ANGEL1: variants seen among roughly 807,000 people sequenced by gnomAD.
ANGEL1 encodes the protein angel homolog 1, also known as RNA 2',3'-cyclic phosphatase ANGEL1.
In ANGEL1, 62 loss-of-function variants were observed where a neutral mutation model predicts 76.4. The observed-to-expected ratio is 0.81, with a 90% CI of 0.66 to 1.00. ANGEL1 has a LOEUF of 1.00. Ranked by LOEUF, ANGEL1 falls within the 50% of genes least tolerant of loss-of-function variation. ANGEL1 has a pLI of 0.00. For synonymous variants in ANGEL1, 340 were observed against 331.7 expected, an observed-to-expected ratio of 1.03 and a Z score of -0.27; for missense variants, 737 against 836.7, an observed-to-expected ratio of 0.88 and a Z score of 1.47.
In ANGEL1 at chr14:76,789,038, G is replaced by T; in HGVS notation, c.*190C>A. ...AGGATTAGGAAGAGGCTGGGGTGGG[G>T]CAAGGACCACAGGCAGAGAACGCAG... On this transcript the variant is annotated 3_prime_UTR_variant, in exon 10 of 10. Coordinates refer to ENST00000251089, the MANE Select transcript of ANGEL1 (RefSeq NM_015305.4). 1 of 731,034 alleles carries T rather than the reference G, an allele frequency of 1.4e-6. No homozygotes were observed. Among genetic ancestry groups the T allele is most frequent in the Non-Finnish European group, 2.2e-6 (1 of 453,730 alleles). The allele number at this position is 731,034 out of a possible 1,614,324, so 45.3% of individuals were successfully genotyped here.
intron 9 of ANGEL1, 65 bp from the exon 10 acceptor site, chr14:76,789,453 G>A: frequency 1.3e-6 from 2 of 1,582,996 alleles, no homozygotes; most frequent in South Asian, 1.1e-5. Context: ...GGCAGGCAGT[G>A]GCAGAGTCCT....
intron 7 of ANGEL1, among the ~76,000 whole-genome samples, chr14:76,799,326 C>CTTTTT (rs1894686189): frequency 1.0e-5 from 1 of 96,342 alleles, no homozygotes; most frequent in African/African-American, 3.9e-5. Flanking sequence ...CACAGTCTTG[C>CTTTTT]TCTGTCGCCC....
chr14:76,792,685 C>T (rs1248898897), intron 7 of ANGEL1, among the ~76,000 whole-genome samples: 1 of 152,074 alleles, frequency 6.6e-6, no homozygotes, highest in Non-Finnish European at 1.5e-5. Flanking sequence ...TTGACACACT[C>T]CAACACCCTT....
At chr14:76,790,146 A>T (rs550585031) in intron 9 of ANGEL1, among the ~76,000 whole-genome samples, 1 of 152,204 alleles carries the variant, frequency 6.6e-6, no homozygotes, top group Non-Finnish European at 1.5e-5. Flanking sequence ...ACCGGTGTGA[A>T]CCAGTAATAC....
intron 1 of ANGEL1, 90 bp from the exon 2 acceptor site, chr14:76,809,733 A>T: frequency 9.6e-7 from 1 of 1,041,088 alleles, no homozygotes; most frequent in Admixed American, 2.5e-5. Context: ...TAAAAGCAAG[A>T]CCCATATCCA....
Position 76,809,287 on chromosome 14 carries a change from C to G in ANGEL1, c.421G>C (p.Gly141Arg), listed in dbSNP as rs34270005. ...LGEEPLLEVE[G>R]VEGSMWAAIP... is the part of the protein sequence containing the mutation. ...GCTGCCCACATGGAGCCCTCCACCC[C>G]CTCCACCTCCAGCAGTGGCTCCTCT... Residue 141 changes from glycine to arginine, a missense_variant, in exon 2 of 10, where the codon GGG becomes CGG. Around this residue, in one of 2 missense-constraint regions of ANGEL1, gnomAD observed 441 missense variants for 449.5 expected, o/e 0.98. Coordinates refer to ENST00000251089, the MANE Select transcript of ANGEL1 (RefSeq NM_015305.4). 4.3e-6 allele frequency: 7 copies of G among 1,613,868 alleles called. No homozygotes were observed. Among genetic ancestry groups the G allele is most frequent in the African/African-American group, 4.0e-5 (3 of 75,034 alleles).
intron 7 of ANGEL1, among the ~76,000 whole-genome samples, chr14:76,795,555 A>C (rs541350828): frequency 4.6e-5 from 7 of 152,282 alleles, no homozygotes; most frequent in African/African-American, 1.7e-4. Context: ...TGTGCTTTGT[A>C]ACAATTTAAA....
At position 76,809,065 on chromosome 14, in the gene ANGEL1, A is replaced by G; in HGVS notation, c.643T>C (p.Tyr215His). The change falls in exon 2 of 10, where the codon TAT becomes CAT. Residue 215 changes from tyrosine to histidine, a missense_variant. Tyr to His is a moderately conservative substitution (Grantham distance 83). This residue lies in a region of ANGEL1 where 441 missense variants were observed against 449.5 expected (regional missense o/e 0.98). Transcript: ENST00000251089. ...AACCAGTTGTCAGACTCACCATGATATGGTATTTCCACTGCGGGAGGCTGC... is the reference window on the plus strand; with the variant it reads ...AACCAGTTGTCAGACTCACCATGATGTGGTATTTCCACTGCGGGAGGCTGC... ...QLQPPAVEIP[Y>H]HEILWREWED... is the part of the protein sequence containing the mutation. 1 of 1,609,088 alleles carries G rather than the reference A, an allele frequency of 6.2e-7. No homozygotes were observed. Among genetic ancestry groups the G allele is most frequent in the Non-Finnish European group, 8.5e-7 (1 of 1,176,796 alleles).
Position 76,809,539 on chromosome 14 carries a change from A to G in ANGEL1, c.169T>C (p.Cys57Arg), listed in dbSNP as rs996995767. Residue 57 changes from cysteine (C) to arginine (R), a missense_variant, in exon 2 of 10, where the codon TGT becomes CGT. Physicochemically the swap from Cys to Arg is radical, Grantham distance 180 (BLOSUM62 -3). Coordinates refer to ENST00000251089, the MANE Select transcript of ANGEL1 (RefSeq NM_015305.4). Reference protein sequence around the residue: ...MAPRGPEQEECEGLLQQWREE... With the variant: ...MAPRGPEQEEREGLLQQWREE... ...CGCCACTGCTGCAGCAGGCCCTCACATTCCTCCTGCTCAGGGCCCCGAGGG... is the reference window on the plus strand; with the variant it reads ...CGCCACTGCTGCAGCAGGCCCTCACGTTCCTCCTGCTCAGGGCCCCGAGGG... 18 of 1,614,014 alleles carry G rather than the reference A, an allele frequency of 1.1e-5. No individual in the cohort carries two copies. The highest frequency in any genetic ancestry group is 1.4e-5 in the Non-Finnish European group (16 of 1,180,034).
chr14:76,791,385 A>G lies in ANGEL1; in HGVS notation c.1619-19T>C. 6.2e-7 allele frequency: 1 copy of G among 1,612,532 alleles called. No homozygotes were observed. The highest frequency in any genetic ancestry group is 8.5e-7 in the Non-Finnish European group (1 of 1,179,074). On this transcript the variant is annotated intron_variant, in intron 7 of 9. Transcript: ENST00000251089. Reference sequence around the variant, plus strand: ...GGTCGCTCTGCAGAGGACCAGAGAGAAAAACATTTTCTCATCCACAGACAG... The same window carrying G: ...GGTCGCTCTGCAGAGGACCAGAGAGGAAAACATTTTCTCATCCACAGACAG...
At position 76,786,087 on chromosome 14, in the gene ANGEL1, AC is replaced by A. The variant is rs1317695150; in HGVS notation, c.*3140del. ...TACAGAGAGGTTAAGTAACTTACCT[AC>A]AGTCACCAGCTGAACAGGCCAAGAG... On this transcript the variant is annotated 3_prime_UTR_variant, in exon 10 of 10. Coordinates refer to ENST00000251089, the MANE Select transcript of ANGEL1 (RefSeq NM_015305.4). 6.6e-6 allele frequency: 1 copy of A among 152,272 alleles called. No individual in the cohort carries two copies. 9.4% of individuals were successfully genotyped at this position (152,272 alleles called of 1,614,324 possible).
chr14:76,793,408 A>AGGGGAGGGGAGGGG (rs1224403645), intron 7 of ANGEL1, among the ~76,000 whole-genome samples: 3 of 19,794 alleles, frequency 1.5e-4, no homozygotes, highest in East Asian at 1.8e-3. Flanking sequence ...GAGAGGGGAT[A>AGGGGAGGGGAGGGG]AAAGGAAAGA....
At chr14:76,801,009 G>A (rs752185687) in intron 7 of ANGEL1, among the ~76,000 whole-genome samples, 5 of 150,916 alleles carry the variant, frequency 3.3e-5, no homozygotes, top group East Asian at 1.9e-4. Context: ...CCTCATCACC[G>A]TTAGGCTTCA....
At chr14:76,798,273 T>A (rs1050558354) in intron 7 of ANGEL1, among the ~76,000 whole-genome samples, 1 of 152,110 alleles carries the variant, frequency 6.6e-6, no homozygotes, top group African/African-American at 2.4e-5. Flanking sequence ...TACAGTCGCA[T>A]GCCACCACGC....
At position 76,812,656 on chromosome 14, in the gene ANGEL1, G is replaced by A. The variant is rs536873582; in HGVS notation, c.64+108C>T. 10 of 1,367,936 alleles carry A rather than the reference G, an allele frequency of 7.3e-6. No individual in the cohort carries two copies. The Admixed American group carries it at 2.7e-4, about 37-fold the overall frequency. 84.7% of individuals were successfully genotyped at this position (1,367,936 alleles called of 1,614,324 possible). On this transcript the variant is annotated intron_variant, in intron 1 of 9. Coordinates refer to ENST00000251089, the MANE Select transcript of ANGEL1 (RefSeq NM_015305.4). ...TCCCTACACCTCGGCACTGCCCGGG[G>A]CACGGTAGTCGTGAGGCCCGGCCAA...
Position 76,812,872 on chromosome 14 carries a change from G to T in ANGEL1, c.-45C>A. ...CCTCCGCTCCTCACTGCAGCCAGCAGGTCCTCCCTCAGCTCGGCCCCGCCC... is the reference window on the plus strand; with the variant it reads ...CCTCCGCTCCTCACTGCAGCCAGCATGTCCTCCCTCAGCTCGGCCCCGCCC... On this transcript the variant is annotated 5_prime_UTR_variant, in exon 1 of 10. It adds an upstream start codon to the 5' untranslated region. Transcript: ENST00000251089. 6.8e-7 allele frequency: 1 copy of T among 1,477,444 alleles called. No homozygotes were observed. The highest frequency in any genetic ancestry group is 1.3e-5 in the South Asian group (1 of 77,078). The allele number at this position is 1,477,444 out of a possible 1,614,324, so 91.5% of individuals were successfully genotyped here.
At chr14:76,806,908 C>T (rs1401239268) in intron 4 of ANGEL1, 59 bp from the exon 5 acceptor site, 1 of 1,535,046 alleles carries the variant, frequency 6.5e-7, no homozygotes, top group East Asian at 2.3e-5. Context: ...GAATCCCTTC[C>T]AACCAGCACC....
In ANGEL1 at chr14:76,789,371, C is replaced by T. The variant is rs774741835; in HGVS notation, c.1870G>A (p.Asp624Asn). 13 of 1,614,086 alleles carry T rather than the reference C, an allele frequency of 8.1e-6. No homozygotes were observed. The highest frequency in any genetic ancestry group is 8.5e-7 in the Non-Finnish European group (1 of 1,180,040). Residue 624 changes from aspartate to asparagine, a missense_variant, in exon 10 of 10, where the codon GAT becomes AAT. Asp to Asn is a conservative substitution (Grantham distance 23). Around this residue, in one of 2 missense-constraint regions of ANGEL1, gnomAD observed 296 missense variants for 387.2 expected, o/e 0.76. Coordinates refer to ENST00000251089, the MANE Select transcript of ANGEL1 (RefSeq NM_015305.4). ...CGACCCAGGAGCTTGAGAGTTCCAT[C>T]TCGATACAGCCTGTGATCTGGGGCA... Reference protein sequence around the residue: ...GNRTDHRLYRDGTLKLLGRLS... With the variant: ...GNRTDHRLYRNGTLKLLGRLS...
intron 4 of ANGEL1, 72 bp downstream of exon 4, chr14:76,807,361 T>A: frequency 6.9e-7 from 1 of 1,441,804 alleles, no homozygotes; most frequent in Non-Finnish European, 9.6e-7. Flanking sequence ...AAGGAAAGGA[T>A]GGGGTCTTCA....
Sources: gnomAD v4.1 joint callset for allele counts (sites outside exome capture counted in the v4.1 genomes callset) on GRCh38, gnomAD v4.1.1 for gene constraint, gnomAD v4.1.1 regional missense constraint, MANE v1.5 for transcripts, NCBI Gene and HGNC (gene_info 2026-07-23, HGNC 2026-07-21) for gene names.